NRXN3: variants seen among roughly 807,000 people sequenced by gnomAD.
NRXN3 encodes neurexin III.
A neutral mutation model predicts 137.6 loss-of-function variants in NRXN3; 32 were observed. That is an observed-to-expected ratio of 0.23 (90% CI 0.18 to 0.31). The LOEUF (loss-of-function observed/expected upper bound fraction) is 0.31, where lower values mean the gene tolerates loss of function less well. NRXN3 is among the 10% of genes least tolerant of loss of function. NRXN3 has a pLI of 1.00. For missense variants in NRXN3, 1,574 were observed against 2,062.5 expected (o/e 0.76, Z 4.59); for synonymous variants, 798 against 784.5 (o/e 1.02, Z -0.29).
intron 19 of NRXN3, among the ~76,000 whole-genome samples, chr14:79,762,122 A>G (rs1044266397): frequency 6.6e-6 from 1 of 151,648 alleles, no homozygotes; most frequent in Non-Finnish European, 1.5e-5. Context: ...GGAGTTCTGT[A>G]TCTCAGCATA....
chr14:79,541,710 C>G (rs556458149), intron 16 of NRXN3, among the ~76,000 whole-genome samples: 1 of 152,274 alleles, frequency 6.6e-6, no homozygotes, highest in East Asian at 1.9e-4. Context: ...ACATCTATCT[C>G]TGGAAAATGA....
rs187628058 is a variant in NRXN3, at chr14:78,821,487, G to A, written c.2275+11143G>A. Among the ~76,000 whole-genome samples, 6 of 152,210 alleles carry A rather than the reference G, an allele frequency of 3.9e-5. No individual in the cohort carries two copies. The East Asian group carries it at 1.2e-3, about 29-fold the overall frequency. Reference sequence around the variant, plus strand: ...AGTGACAATGCCCATAGGACTGAAGGGGTAAGAGCAACAGAAACGGAATGC... The same window carrying A: ...AGTGACAATGCCCATAGGACTGAAGAGGTAAGAGCAACAGAAACGGAATGC... On this transcript the variant is annotated intron_variant, in intron 10 of 20. Transcript: ENST00000335750.
intron 8 of NRXN3, among the ~76,000 whole-genome samples, chr14:78,797,816 G>T (rs1445765327): frequency 6.6e-6 from 1 of 152,128 alleles, no homozygotes; most frequent in Non-Finnish European, 1.5e-5. Flanking sequence ...CCTCTTACAT[G>T]GTGGCAGACA....
intron 15 of NRXN3, among the ~76,000 whole-genome samples, chr14:79,171,191 A>C (rs1312219761): frequency 6.6e-6 from 1 of 152,016 alleles, no homozygotes; most frequent in Non-Finnish European, 1.5e-5. Flanking sequence ...CCTTAATTAA[A>C]TCTTTACACA....
At chr14:79,105,666 T>C (rs1261363015) in intron 15 of NRXN3, among the ~76,000 whole-genome samples, 2 of 151,996 alleles carry the variant, frequency 1.3e-5, no homozygotes, top group Non-Finnish European at 2.9e-5. Flanking sequence ...TTCTCTGAAG[T>C]ATTGAGGGAA....
chr14:79,164,784 A>G (rs943073793), intron 15 of NRXN3, among the ~76,000 whole-genome samples: 1 of 152,016 alleles, frequency 6.6e-6, no homozygotes, highest in Non-Finnish European at 1.5e-5. Context: ...TGAGTTTTCT[A>G]AGACTGTCAC....
At chr14:79,267,539 GT>G in intron 15 of NRXN3, among the ~76,000 whole-genome samples, 1 of 151,916 alleles carries the variant, frequency 6.6e-6, no homozygotes, top group Non-Finnish European at 1.5e-5. Flanking sequence ...TGTATTTTTA[GT>G]AGAGAGGGGG....
chr14:79,810,868 G>A (rs1410051634), intron 20 of NRXN3, among the ~76,000 whole-genome samples: 1 of 152,192 alleles, frequency 6.6e-6, no homozygotes. Context: ...ATCAAGAGAA[G>A]TTTATACCAG....
chr14:78,505,217 G>A (rs1225482860), intron 4 of NRXN3, among the ~76,000 whole-genome samples: 6 of 152,058 alleles, frequency 3.9e-5, no homozygotes, highest in Non-Finnish European at 8.8e-5. Flanking sequence ...AGGTGGAAGA[G>A]AGAATACAGC....
intron 16 of NRXN3, among the ~76,000 whole-genome samples, chr14:79,503,065 C>A (rs953947322): frequency 2.6e-5 from 4 of 152,076 alleles, no homozygotes; most frequent in African/African-American, 9.7e-5. Flanking sequence ...AGTCACAGTT[C>A]TTTAGTATTT....
intron 15 of NRXN3, among the ~76,000 whole-genome samples, chr14:79,307,319 T>A (rs143265090): frequency 6.6e-6 from 1 of 152,156 alleles, no homozygotes; most frequent in Non-Finnish European, 1.5e-5. Flanking sequence ...AACCATCATA[T>A]TCTACCACCT....
chr14:78,551,043 G>T lies in NRXN3; in HGVS notation c.758-94077G>T, dbSNP rs577635046. Among the ~76,000 whole-genome samples the T allele has an allele frequency of 1.5e-4, 23 of 152,212 alleles. No homozygotes were observed. The East Asian group carries it at 4.1e-3, about 27-fold the overall frequency. ...CAATCTCTCTATCCATATGATAAGG[G>T]ATACAAGACCTTTCTCATACAGTGG... On this transcript the variant is annotated intron_variant, in intron 4 of 20. Transcript: ENST00000335750.
At chr14:79,635,250 T>C (rs906041805) in intron 16 of NRXN3, among the ~76,000 whole-genome samples, 1 of 152,152 alleles carries the variant, frequency 6.6e-6, no homozygotes, top group Admixed American at 6.6e-5. Context: ...GAGAGAAACA[T>C]GAGCTAAAAA....
chr14:79,433,609 G>T (rs1219060736), intron 15 of NRXN3, among the ~76,000 whole-genome samples: 1 of 152,092 alleles, frequency 6.6e-6, no homozygotes, highest in Non-Finnish European at 1.5e-5. Flanking sequence ...AGTTTAAAGT[G>T]CTCGTTTCAT....
intron 6 of NRXN3, among the ~76,000 whole-genome samples, chr14:78,690,045 A>C (rs1005315559): frequency 2.0e-5 from 3 of 152,112 alleles, no homozygotes; most frequent in African/African-American, 7.2e-5. Context: ...TTCAAAACCC[A>C]GTCGTTCCTT....
chr14:78,241,537 T>G (rs942853659), intron 1 of NRXN3, among the ~76,000 whole-genome samples: 1 of 152,102 alleles, frequency 6.6e-6, no homozygotes, highest in African/African-American at 2.4e-5. Context: ...GGAGAATTGC[T>G]TGAACCCAAG....
At chr14:79,305,594 G>T (rs1260885585) in intron 15 of NRXN3, among the ~76,000 whole-genome samples, 2 of 152,042 alleles carry the variant, frequency 1.3e-5, no homozygotes, top group Admixed American at 1.3e-4. Flanking sequence ...ATACACTCAG[G>T]ACAGAATGAG....
intron 8 of NRXN3, among the ~76,000 whole-genome samples, chr14:78,801,546 A>G (rs2098838943): frequency 6.6e-6 from 1 of 152,156 alleles, no homozygotes; most frequent in African/African-American, 2.4e-5. Flanking sequence ...TGAGAACAGC[A>G]TGGGGGAAAC....
chr14:78,418,566 T>C (rs543276253), intron 4 of NRXN3, among the ~76,000 whole-genome samples: 2 of 152,272 alleles, frequency 1.3e-5, no homozygotes, highest in East Asian at 1.9e-4. Flanking sequence ...AGAAACTCCA[T>C]GCAGCTTGGA....
Sources: allele counts gnomAD v4.1 joint callset (sites outside exome capture counted in the v4.1 genomes callset), GRCh38; gene constraint gnomAD v4.1.1; transcripts MANE v1.5; gene names NCBI Gene and HGNC (gene_info 2026-07-23, HGNC 2026-07-21).